AKT3: variants seen among roughly 807,000 people sequenced by gnomAD.
AKT3 encodes the protein AKT serine/threonine kinase 3.
AKT3 carries 15 observed loss-of-function variants against 65.3 expected under a neutral mutation model. The observed-to-expected ratio is 0.23, with a 90% CI of 0.15 to 0.35. The LOEUF (loss-of-function observed/expected upper bound fraction) is 0.35. Ranked by LOEUF, AKT3 falls within the 10% of genes least tolerant of loss-of-function variation. The pLI, the probability that AKT3 is intolerant of heterozygous loss-of-function variation, is 1.00. For missense variants in AKT3, 243 were observed against 576.5 expected, an observed-to-expected ratio of 0.42 and a Z score of 5.92; for synonymous variants, 206 against 183.8, an observed-to-expected ratio of 1.12 and a Z score of -0.98.
At chr1:243,515,456 A>G (rs1241702869) in intron 12 of AKT3, among the ~76,000 whole-genome samples, 8 of 151,762 alleles carry the variant, frequency 5.3e-5, no homozygotes, top group East Asian at 1.9e-4. Context: ...TAAGTTTTAA[A>G]AAGGATGGAT....
In AKT3 at chr1:243,787,300, T is replaced by C. The variant is rs188877891; in HGVS notation, c.46+55825A>G. 3.3e-5 allele frequency among the ~76,000 whole-genome samples: 5 copies of C among 152,316 alleles called. No individual in the cohort carries two copies. In the East Asian group the frequency reaches 7.7e-4, roughly 23 times the overall value. ...AATATCTGATAAAGGTAAAAATAAA[T>C]GTTACCCATGCACATTTTTTTAAAT... On this transcript the variant is annotated intron_variant, in intron 2 of 13. Transcript: ENST00000673466.
chr1:243,753,715 T>C (rs1688953522), intron 2 of AKT3, among the ~76,000 whole-genome samples: 1 of 152,216 alleles, frequency 6.6e-6, no homozygotes, highest in Non-Finnish European at 1.5e-5. Context: ...ACTCTCCAGT[T>C]GTTCTCTATT....
At chr1:243,497,717 G>A (rs1297571783), downstream of AKT3, among the ~76,000 whole-genome samples, 1 of 152,192 alleles carries the variant, frequency 6.6e-6, no homozygotes, top group Non-Finnish European at 1.5e-5. Context: ...ATTCTGTATT[G>A]TGTGTACGTG....
At chr1:243,583,127 T>C (rs1240585456) in intron 8 of AKT3, among the ~76,000 whole-genome samples, 1 of 147,922 alleles carries the variant, frequency 6.8e-6, no homozygotes, top group Admixed American at 6.8e-5. Flanking sequence ...AGTATGTATA[T>C]ATATTCCATA....
intron 9 of AKT3, among the ~76,000 whole-genome samples, chr1:243,569,308 T>C (rs1035039547): frequency 6.6e-6 from 1 of 152,214 alleles, no homozygotes; most frequent in Non-Finnish European, 1.5e-5. Context: ...CCAAATAGGT[T>C]GCCAGGCTAT....
At chr1:243,499,470 A>G (rs1668957914), downstream of AKT3, among the ~76,000 whole-genome samples, 1 of 152,148 alleles carries the variant, frequency 6.6e-6, no homozygotes, top group Non-Finnish European at 1.5e-5. Flanking sequence ...CTCTCTGGCC[A>G]TGTCCTAACA....
At chr1:243,750,265 C>T (rs1000789094) in intron 2 of AKT3, among the ~76,000 whole-genome samples, 2 of 152,072 alleles carry the variant, frequency 1.3e-5, no homozygotes, top group Non-Finnish European at 2.9e-5. Context: ...CCCTAATAAA[C>T]CAAATTTTAT....
chr1:243,850,963 C>G (rs534995774), upstream of AKT3: 1 of 152,230 alleles, frequency 6.6e-6, no homozygotes, highest in Admixed American at 6.5e-5. Context: ...GCCCTGGCCG[C>G]GGACGCGCGC....
In AKT3 at chr1:243,500,407, A is replaced by AT. The variant is rs1400381198; in HGVS notation, c.*4841dup. 1.8e-5 allele frequency: 4 copies of AT among 225,852 alleles called. No homozygotes were observed. The highest frequency in any genetic ancestry group is 2.2e-5 in the African/African-American group (1 of 44,984). 14.0% of individuals were successfully genotyped at this position (225,852 alleles called of 1,614,324 possible). On this transcript the variant is annotated 3_prime_UTR_variant, in exon 14 of 14. Transcript: ENST00000673466. ...AGCATCTTTGGCTCGGTGGTGTCAG[A>AT]TTTTTTTCTTCAATACGCAGTATTT...
rs1675591702 is a variant in AKT3, at chr1:243,583,715, T to A, written c.697-10667A>T. Among the ~76,000 whole-genome samples the A allele has an allele frequency of 3.3e-5, 5 of 152,080 alleles. No homozygotes were observed. The South Asian group carries it at 6.2e-4, about 19-fold the overall frequency. ...GAAAATTAAACAACTTGCTCCTGAATGTCTTCTGGGTAAACAACAAAATCA... is the reference window on the plus strand; with the variant it reads ...GAAAATTAAACAACTTGCTCCTGAAAGTCTTCTGGGTAAACAACAAAATCA... On this transcript the variant is annotated intron_variant, in intron 8 of 13. Coordinates refer to ENST00000673466, the MANE Select transcript of AKT3 (RefSeq NM_005465.7).
intron 2 of AKT3, among the ~76,000 whole-genome samples, chr1:243,764,298 TAAAGTAA>T (rs1689678408): frequency 1.3e-5 from 2 of 152,092 alleles, no homozygotes; most frequent in South Asian, 4.1e-4. Context: ...TAAAACTCTA[TAAAGTAA>T]AAGGGGCTGG....
intron 8 of AKT3, among the ~76,000 whole-genome samples, chr1:243,594,684 A>C (rs1476304329): frequency 6.6e-6 from 1 of 152,056 alleles, no homozygotes; most frequent in Non-Finnish European, 1.5e-5. Context: ...TGCAGCATCA[A>C]CCTCTTGGGC....
At chr1:243,523,538 A>G (rs548125895) in intron 12 of AKT3, among the ~76,000 whole-genome samples, 41 of 152,342 alleles carry the variant, frequency 2.7e-4, no homozygotes, top group African/African-American at 9.4e-4. Flanking sequence ...AAATATTCAC[A>G]TTGAAAATAA....
intron 4 of AKT3, among the ~76,000 whole-genome samples, chr1:243,658,516 G>A (rs988805221): frequency 6.6e-6 from 1 of 152,152 alleles, no homozygotes; most frequent in Admixed American, 6.5e-5. Flanking sequence ...GTACACTATT[G>A]TTGGGAATGT....
intron 12 of AKT3, among the ~76,000 whole-genome samples, chr1:243,543,335 G>A (rs1359981487): frequency 6.6e-6 from 1 of 152,110 alleles, no homozygotes; most frequent in Non-Finnish European, 1.5e-5. Context: ...ATAAGGAAAC[G>A]TTGTAGCAAA....
chr1:243,612,667 G>A (rs1677958440), intron 8 of AKT3: 1 of 153,600 alleles, frequency 6.5e-6, no homozygotes, highest in African/African-American at 2.4e-5. Context: ...GGAAGAGAAA[G>A]GAGAAGGAAT....
chr1:243,638,936 G>A (rs1328554440), intron 5 of AKT3, among the ~76,000 whole-genome samples: 2 of 151,966 alleles, frequency 1.3e-5, no homozygotes, highest in Non-Finnish European at 2.9e-5. Context: ...AAAAATCAGT[G>A]AAACCAAAAG....
chr1:243,722,721 A>G (rs1222665665), intron 2 of AKT3, among the ~76,000 whole-genome samples: 1 of 152,180 alleles, frequency 6.6e-6, no homozygotes, highest in Non-Finnish European at 1.5e-5. Context: ...CATGTCTTCA[A>G]TAAAACATCA....
intron 4 of AKT3, among the ~76,000 whole-genome samples, chr1:243,654,322 T>C (rs992576920): frequency 6.6e-5 from 10 of 152,198 alleles, no homozygotes; most frequent in African/African-American, 1.9e-4. Context: ...AAACACAACA[T>C]AAATTATTTA....
Sources: allele counts gnomAD v4.1 joint callset (sites outside exome capture counted in the v4.1 genomes callset), GRCh38; gene constraint gnomAD v4.1.1; transcripts MANE v1.5; gene names NCBI Gene and HGNC (gene_info 2026-07-23, HGNC 2026-07-21).